Variants in IL1RAPL2 observed in about 807,000 individuals in gnomAD.
IL1RAPL2 encodes interleukin 1 receptor accessory protein like 2, also known as X-linked interleukin-1 receptor accessory protein-like 2.
Under a neutral mutation model 44.1 loss-of-function variants are expected in IL1RAPL2, and 3 were observed. The observed-to-expected ratio is 0.07, with a 90% confidence interval of 0.03 to 0.18. IL1RAPL2 has a LOEUF of 0.18. Ranked by LOEUF, IL1RAPL2 falls within the 10% of genes least tolerant of loss-of-function variation. The pLI, the probability that IL1RAPL2 is intolerant of heterozygous loss-of-function variation, is 1.00. For synonymous variants in IL1RAPL2, 181 were observed against 178.8 expected (o/e 1.01, Z -0.10); for missense variants, 391 against 496.4 (o/e 0.79, Z 2.02).
chrX:104,705,724 G>C (rs771909012), intron 2 of IL1RAPL2, among the ~76,000 whole-genome samples: 1 of 111,553 alleles, frequency 9.0e-6, no homozygotes, highest in African/African-American at 3.3e-5. Flanking sequence ...CAGCTAAACT[G>C]GAGGCGAGAG....
intron 2 of IL1RAPL2, among the ~76,000 whole-genome samples, chrX:105,141,435 A>T (rs2033125366): frequency 9.0e-6 from 1 of 111,121 alleles, no homozygotes; most frequent in South Asian, 3.8e-4. Flanking sequence ...AACTCAAAAA[A>T]AATTTGGTTA....
At chrX:105,112,582 C>T (rs1362793839) in intron 2 of IL1RAPL2, among the ~76,000 whole-genome samples, 1 of 112,364 alleles carries the variant, frequency 8.9e-6, no homozygotes, top group Non-Finnish European at 1.9e-5. Flanking sequence ...ACAAATTGTA[C>T]GAAATGTAAG....
chrX:105,065,404 T>G (rs1334032147), intron 2 of IL1RAPL2, among the ~76,000 whole-genome samples: 1 of 111,930 alleles, frequency 8.9e-6, no homozygotes, highest in South Asian at 3.7e-4. Flanking sequence ...GCTCAAATAC[T>G]ATAATTGGCA....
chrX:104,831,971 A>G (rs1424331951), intron 2 of IL1RAPL2, among the ~76,000 whole-genome samples: 1 of 111,808 alleles, frequency 8.9e-6, no homozygotes, highest in Non-Finnish European at 1.9e-5. Flanking sequence ...GCTTGTAATT[A>G]GATATGCAGT....
intron 5 of IL1RAPL2, among the ~76,000 whole-genome samples, chrX:105,423,282 G>T (rs1415624305): frequency 9.0e-6 from 1 of 111,661 alleles, no homozygotes; most frequent in Non-Finnish European, 1.9e-5. Context: ...GTCAGAAAAA[G>T]ACATAATTTA....
chrX:104,634,814 T>C (rs1228184360), intron 1 of IL1RAPL2, among the ~76,000 whole-genome samples: 1 of 112,119 alleles, frequency 8.9e-6, no homozygotes, highest in Non-Finnish European at 1.9e-5. Flanking sequence ...AGTCTGTGTC[T>C]TTTAATTGGA....
chrX:105,757,685 A>T (rs1469466946), intron 10 of IL1RAPL2, among the ~76,000 whole-genome samples: 1 of 111,777 alleles, frequency 8.9e-6, no homozygotes, highest in African/African-American at 3.3e-5. Context: ...TGGGACAACT[A>T]TGCAGTTTTT....
At chrX:105,040,569 G>T (rs929824849) in intron 2 of IL1RAPL2, among the ~76,000 whole-genome samples, 59 of 110,194 alleles carry the variant, frequency 5.4e-4, no homozygotes, top group Non-Finnish European at 1.0e-3. Flanking sequence ...TCCTGTTATT[G>T]GTCTATTCAG....
At chrX:104,782,621 T>G (rs1249474587) in intron 2 of IL1RAPL2, among the ~76,000 whole-genome samples, 1 of 111,733 alleles carries the variant, frequency 8.9e-6, no homozygotes, top group African/African-American at 3.3e-5. Context: ...ATCCTTTTCT[T>G]TAGGCTTTTA....
intron 2 of IL1RAPL2, among the ~76,000 whole-genome samples, chrX:104,959,103 T>C (rs1013156743): frequency 4.5e-5 from 5 of 110,820 alleles, no homozygotes; most frequent in African/African-American, 1.3e-4. Flanking sequence ...GTACCTCTCC[T>C]GATCAGATGA....
At chrX:105,075,596 G>T (rs2147542251) in intron 2 of IL1RAPL2, among the ~76,000 whole-genome samples, 1 of 111,836 alleles carries the variant, frequency 8.9e-6, no homozygotes, top group Non-Finnish European at 1.9e-5. Flanking sequence ...TCTATTGATT[G>T]GAATAGTTTC....
intron 8 of IL1RAPL2, among the ~76,000 whole-genome samples, chrX:105,742,318 G>T (rs972157598): frequency 6.3e-5 from 7 of 111,219 alleles, no homozygotes; most frequent in African/African-American, 2.3e-4. Context: ...TGCAAAGAAA[G>T]ACCAAGATTA....
chrX:105,294,679 C>G (rs771079730), intron 5 of IL1RAPL2, among the ~76,000 whole-genome samples: 1 of 112,104 alleles, frequency 8.9e-6, no homozygotes, highest in African/African-American at 3.2e-5. Context: ...TTACTAAGTG[C>G]GTACTATGTA....
intron 5 of IL1RAPL2, among the ~76,000 whole-genome samples, chrX:105,301,653 T>C (rs2034698680): frequency 8.9e-6 from 1 of 111,788 alleles, no homozygotes; most frequent in African/African-American, 3.3e-5. Context: ...CTTATTTCAC[T>C]TAACATGATG....
chrX:104,608,662 C>CT (rs60105376), intron 1 of IL1RAPL2, among the ~76,000 whole-genome samples: 707 of 58,470 alleles, frequency 0.012, 6 homozygotes, highest in Non-Finnish European at 0.014. Flanking sequence ...GCAACCCCTG[C>CT]TTTTTTTTTT....
At chrX:104,802,354 AAAAAAC>A (rs1352836917) in intron 2 of IL1RAPL2, among the ~76,000 whole-genome samples, 2 of 109,830 alleles carry the variant, frequency 1.8e-5, no homozygotes, top group African/African-American at 3.3e-5. Context: ...CAAAAAAAAA[AAAAAAC>A]AAAACAAATA....
intron 4 of IL1RAPL2, among the ~76,000 whole-genome samples, chrX:105,243,261 AC>A (rs1462773910): frequency 1.8e-5 from 2 of 110,346 alleles, no homozygotes; most frequent in Non-Finnish European, 3.8e-5. Flanking sequence ...GTGAGTTCTC[AC>A]AAGAGCTGAT....
chrX:104,801,616 A>T (rs1037269850), intron 2 of IL1RAPL2, among the ~76,000 whole-genome samples: 2 of 111,694 alleles, frequency 1.8e-5, no homozygotes, highest in African/African-American at 6.5e-5. Context: ...TGCATTCATT[A>T]TTTGACACAG....
At chrX:105,649,408 G>C (rs1293427707) in intron 6 of IL1RAPL2, among the ~76,000 whole-genome samples, 2 of 111,983 alleles carry the variant, frequency 1.8e-5, no homozygotes, top group Admixed American at 9.5e-5. Context: ...GTTCGCTATA[G>C]TTTTAGCATT....
Sources: gnomAD v4.1 joint callset for allele counts (sites outside exome capture counted in the v4.1 genomes callset) on GRCh38, gnomAD v4.1.1 for gene constraint, MANE v1.5 for transcripts, NCBI Gene and HGNC (gene_info 2026-07-23, HGNC 2026-07-21) for gene names.